USP48: variants seen among roughly 807,000 people sequenced by gnomAD.
The protein encoded by USP48 is ubiquitin specific peptidase 48, also known as ubiquitin carboxyl-terminal hydrolase 48.
USP48 carries 43 observed loss-of-function variants against 150.7 expected under a neutral mutation model. That is an observed-to-expected ratio of 0.29 (90% CI 0.22 to 0.37). The LOEUF (loss-of-function observed/expected upper bound fraction) is 0.37. Ranked by LOEUF, USP48 falls within the 10% of genes least tolerant of loss-of-function variation. The probability of loss-of-function intolerance (pLI) is 1.00; values close to 1 mark genes in which losing one functional copy is unlikely to be tolerated. For missense variants in USP48, 813 were observed against 1,249.6 expected (o/e 0.65, Z 5.27); for synonymous variants, 396 against 425.9 (o/e 0.93, Z 0.86).
At chr1:21,720,553 A>G (rs987086662) in intron 14 of USP48, among the ~76,000 whole-genome samples, 1 of 89,218 alleles carries the variant, frequency 1.1e-5, no homozygotes, top group Non-Finnish European at 3.1e-5. Flanking sequence ...TAAGAGACAG[A>G]GTCTCGCTCT....
chr1:21,681,254 C>T lies in USP48; in HGVS notation c.3059-420G>A, dbSNP rs1164817292. 3 of 154,458 alleles carry T rather than the reference C, an allele frequency of 1.9e-5. 1 individual carries two copies. The highest frequency in any genetic ancestry group is 7.2e-5 in the African/African-American group (3 of 41,456). The allele number at this position is 154,458 out of a possible 1,614,324, so 9.6% of individuals were successfully genotyped here. A position where few individuals can be genotyped will look rare whatever the true frequency, so the allele number is the denominator to read the frequency against. ...GCCTATTTCTAAATAACATGCTTTT[C>T]ATAATTTTATTTACTTTTTTTTTTT... On this transcript the variant is annotated intron_variant, in intron 25 of 26. Coordinates refer to ENST00000308271, the MANE Select transcript of USP48 (RefSeq NM_032236.8).
intron 1 of USP48, among the ~76,000 whole-genome samples, chr1:21,762,987 C>A (rs2097853618): frequency 6.6e-6 from 1 of 152,028 alleles, no homozygotes; most frequent in Non-Finnish European, 1.5e-5. Context: ...ATTTTAGTCT[C>A]CAGTTCCTGA....
chr1:21,747,767 T>G (rs749059833), intron 7 of USP48, among the ~76,000 whole-genome samples: 19 of 151,954 alleles, frequency 1.3e-4, no homozygotes, highest in Non-Finnish European at 2.4e-4. Context: ...GAGACGGGGT[T>G]TCACCATGTT....
intron 1 of USP48, among the ~76,000 whole-genome samples, chr1:21,761,693 G>A (rs1390710547): frequency 6.6e-6 from 1 of 152,148 alleles, no homozygotes; most frequent in Non-Finnish European, 1.5e-5. Context: ...GTTGGAGGCT[G>A]CAATGAACTA....
At chr1:21,725,717 C>T (rs896957886) in intron 11 of USP48, among the ~76,000 whole-genome samples, 2 of 150,152 alleles carry the variant, frequency 1.3e-5, no homozygotes, top group South Asian at 2.1e-4. Flanking sequence ...TGCACCAGTG[C>T]GCTCTAGCCT....
At chr1:21,687,149 TAA>T in intron 25 of USP48, 40 bp downstream of exon 25, 1 of 1,596,620 alleles carries the variant, frequency 6.3e-7, no homozygotes, top group Non-Finnish European at 8.6e-7. Flanking sequence ...CACCTCCGTC[TAA>T]AACCTAATCA....
rs116725576 is a variant in USP48, at chr1:21,778,533, G to T, written c.134+4291C>A. Among the ~76,000 whole-genome samples the T allele has an allele frequency of 1.7e-3, 255 of 150,294 alleles. 2 individuals carry two copies. Among genetic ancestry groups the T allele is most frequent in the Middle Eastern group, 0.01 (3 of 292 alleles). Reference sequence around the variant, plus strand: ...TACAGTCCCAGCTACCAGGGAAGCTGGGGCAGGAGTATTGATTGAGCCCAG... The same window carrying T: ...TACAGTCCCAGCTACCAGGGAAGCTTGGGCAGGAGTATTGATTGAGCCCAG... On this transcript the variant is annotated intron_variant, in intron 1 of 26. Transcript: ENST00000308271.
In USP48 at chr1:21,756,601, T is replaced by C. The variant is rs1270962452; in HGVS notation, c.357A>G (p.Leu119=). 2 of 1,608,164 alleles carry C rather than the reference T, an allele frequency of 1.2e-6. No homozygotes were observed. Among genetic ancestry groups the C allele is most frequent in the African/African-American group, 1.3e-5 (1 of 74,272 alleles). The change falls in exon 3 of 27, where the codon TTA becomes TTG. Residue 119 remains leucine, a synonymous_variant. Transcript: ENST00000308271. ...LNLELRQALY[L]CPSTCSDYML... ...TGTAGTCACTACAAGTGCTTGGACA[T>C]AAGTAGAGTGCCTGCCGAAGCTCCA...
At chr1:21,713,378 G>C (rs1446170783) in intron 15 of USP48, among the ~76,000 whole-genome samples, 1 of 152,166 alleles carries the variant, frequency 6.6e-6, no homozygotes, top group East Asian at 1.9e-4. Context: ...CAAAGTGCTG[G>C]GATTACAGGT....
chr1:21,705,607 C>G, intron 19 of USP48, 120 bp downstream of exon 19: 2 of 691,938 alleles, frequency 2.9e-6, no homozygotes, highest in Non-Finnish European at 4.5e-6. Context: ...CCCCACAATT[C>G]AGCAAAGGAC....
intron 25 of USP48, among the ~76,000 whole-genome samples, chr1:21,682,444 CT>C (rs139299505): frequency 0.012 from 1,691 of 144,122 alleles, 20 homozygotes; most frequent in African/African-American, 0.03. Context: ...CTATTGTTTG[CT>C]TTTTTTTTTT....
rs2097840879 is a variant in USP48 at position 21,757,904 on chromosome 1, A to G, written c.135-121T>C. ...TAAATTAGCAAAACTGAGAAAGTATAAGACACTCAGTTTGTGAGGGTGTGG... is the reference window on the plus strand; with the variant it reads ...TAAATTAGCAAAACTGAGAAAGTATGAGACACTCAGTTTGTGAGGGTGTGG... On this transcript the variant is annotated intron_variant, in intron 1 of 26. Coordinates refer to ENST00000308271, the MANE Select transcript of USP48 (RefSeq NM_032236.8). The G allele has an allele frequency of 5.6e-6, 7 of 1,247,708 alleles. No individual in the cohort carries two copies. In the East Asian group the frequency reaches 1.6e-4, roughly 28 times the overall value. The allele number at this position is 1,247,708 out of a possible 1,614,324, so 77.3% of individuals were successfully genotyped here.
At chr1:21,758,161 T>C (rs531317214) in intron 1 of USP48, among the ~76,000 whole-genome samples, 15 of 149,340 alleles carry the variant, frequency 1.0e-4, no homozygotes, top group Admixed American at 2.7e-4. Flanking sequence ...TACATCTATA[T>C]GGCAGAGTAC....
intron 10 of USP48, among the ~76,000 whole-genome samples, chr1:21,729,436 C>T (rs569118084): frequency 9.9e-5 from 15 of 152,266 alleles, no homozygotes; most frequent in Admixed American, 5.2e-4. Context: ...ATAAAATTCA[C>T]AAATACTCTA....
chr1:21,767,078 CAAG>C (rs915848865), intron 1 of USP48, among the ~76,000 whole-genome samples: 4 of 151,976 alleles, frequency 2.6e-5, no homozygotes, highest in Admixed American at 1.3e-4. Flanking sequence ...AAACAAAAAA[CAAG>C]AACAACAACA....
chr1:21,746,012 T>C (rs1424498597), intron 8 of USP48, among the ~76,000 whole-genome samples: 1 of 152,208 alleles, frequency 6.6e-6, no homozygotes, highest in Admixed American at 6.5e-5. Flanking sequence ...TTTGAAAGCT[T>C]ACATATTTAT....
intron 11 of USP48, 148 bp from the exon 12 acceptor site, chr1:21,724,243 G>A: frequency 2.5e-6 from 2 of 789,430 alleles, no homozygotes; most frequent in Non-Finnish European, 4.1e-6. Flanking sequence ...TGTTTGATGA[G>A]TACGACACAA....
intron 9 of USP48, among the ~76,000 whole-genome samples, chr1:21,736,134 G>T (rs1034757634): frequency 1.8e-4 from 28 of 151,950 alleles, no homozygotes; most frequent in African/African-American, 6.5e-4. Flanking sequence ...AGGTGTGGTG[G>T]CACTTATCTG....
chr1:21,697,678 GAAAGA>G (rs1226313120), intron 22 of USP48, among the ~76,000 whole-genome samples: 7 of 146,102 alleles, frequency 4.8e-5, no homozygotes, highest in Non-Finnish European at 1.1e-4. Context: ...AAAAAAAAAA[GAAAGA>G]AAAGAAAAGG....
Sources: allele counts gnomAD v4.1 joint callset (sites outside exome capture counted in the v4.1 genomes callset), GRCh38; gene constraint gnomAD v4.1.1; transcripts MANE v1.5; gene names NCBI Gene and HGNC (gene_info 2026-07-23, HGNC 2026-07-21).